The following SLC24A2 variants were observed in gnomAD, a reference collection of about 807,000 sequenced individuals.
SLC24A2 encodes sodium/potassium/calcium exchanger 2.
SLC24A2 carries 36 observed loss-of-function variants against 62.0 expected under a neutral mutation model. That is an observed-to-expected ratio of 0.58 (90% CI 0.44 to 0.77). The LOEUF (loss-of-function observed/expected upper bound fraction) is 0.77. Among genes scored for constraint, SLC24A2 ranks in the 30% least tolerant of loss-of-function variants. SLC24A2 has a pLI of 0.00. For synonymous variants in SLC24A2, 358 were observed against 294.0 expected (o/e 1.22, Z -2.23); for missense variants, 846 against 817.9 (o/e 1.03, Z -0.42).
chr9:20,274,836 G>A, the SLC24A2 span, among the ~76,000 whole-genome samples: 3 of 151,868 alleles, frequency 2.0e-5, no homozygotes, highest in African/African-American at 7.3e-5. Context: ...CTGCACTGTG[G>A]GATGAGCATG....
intron 2 of SLC24A2, among the ~76,000 whole-genome samples, chr9:19,664,149 T>C (rs1476691658): frequency 6.6e-6 from 1 of 152,218 alleles, no homozygotes; most frequent in Non-Finnish European, 1.5e-5. Flanking sequence ...AATCTGAGTT[T>C]GGATTTTGGT....
At chr9:19,629,522 T>C (rs1818123437) in intron 2 of SLC24A2, among the ~76,000 whole-genome samples, 1 of 152,242 alleles carries the variant, frequency 6.6e-6, no homozygotes, top group Admixed American at 6.5e-5. Context: ...CATGATTTAC[T>C]ATTATTATTT....
chr9:19,616,622 T>G (rs1033749562), intron 4 of SLC24A2, among the ~76,000 whole-genome samples: 4 of 152,238 alleles, frequency 2.6e-5, no homozygotes, highest in African/African-American at 9.6e-5. Flanking sequence ...TTGCCTAATC[T>G]TCCTGAGCCT....
chr9:20,162,684 G>A, the SLC24A2 span, among the ~76,000 whole-genome samples: 62 of 151,884 alleles, frequency 4.1e-4, no homozygotes, highest in South Asian at 1.5e-3. Flanking sequence ...CCAAAAAAGA[G>A]AATTTTAGAC....
chr9:19,832,172 A>T, the SLC24A2 span, among the ~76,000 whole-genome samples: 164 of 152,354 alleles, frequency 1.1e-3, no homozygotes, highest in Admixed American at 2.9e-3. Context: ...CAGAAAGAGA[A>T]GAAATCCCAG....
At chr9:19,899,409 C>A in the SLC24A2 span, among the ~76,000 whole-genome samples, 5 of 152,152 alleles carry the variant, frequency 3.3e-5, no homozygotes, top group Admixed American at 3.3e-4. Context: ...GCTGGTACTT[C>A]CTGAGTCTTG....
At chr9:19,558,500 G>A (rs1835218695) in intron 7 of SLC24A2, among the ~76,000 whole-genome samples, 1 of 152,214 alleles carries the variant, frequency 6.6e-6, no homozygotes, top group Non-Finnish European at 1.5e-5. Flanking sequence ...GCACTTCATT[G>A]CTGATGGCAC....
intron 2 of SLC24A2, among the ~76,000 whole-genome samples, chr9:19,631,270 G>A (rs1233866807): frequency 3.9e-5 from 6 of 152,218 alleles, no homozygotes; most frequent in Admixed American, 6.5e-5. Context: ...AAATAGCTTC[G>A]TCTTGGTCCA....
At chr9:20,188,059 C>G in the SLC24A2 span, among the ~76,000 whole-genome samples, 1 of 152,208 alleles carries the variant, frequency 6.6e-6, no homozygotes, top group African/African-American at 2.4e-5. Context: ...ATGCCTGTGT[C>G]CTGATCCCCA....
chr9:19,841,021 T>C, the SLC24A2 span, among the ~76,000 whole-genome samples: 2 of 152,210 alleles, frequency 1.3e-5, no homozygotes. Context: ...TTTATAGTTT[T>C]TTTTTATGAA....
chr9:19,895,811 T>A, the SLC24A2 span: 1 of 1,599,244 alleles, frequency 6.3e-7, no homozygotes. Flanking sequence ...CTGCTTGGGT[T>A]GCAGCTGGTG....
At chr9:19,527,188 TAAAC>T (rs1833482190) in intron 9 of SLC24A2, among the ~76,000 whole-genome samples, 3 of 152,326 alleles carry the variant, frequency 2.0e-5, no homozygotes, top group East Asian at 1.9e-4. Flanking sequence ...AGGATTATAT[TAAAC>T]AAAGGATACA....
the SLC24A2 span, among the ~76,000 whole-genome samples, chr9:19,902,063 T>C: frequency 6.6e-6 from 1 of 152,334 alleles, no homozygotes; most frequent in South Asian, 2.1e-4. Flanking sequence ...AACCCTTGCC[T>C]GGCACAGCCT....
chr9:19,650,170 GC>G lies in SLC24A2; in HGVS notation c.931-27872del, dbSNP rs754487238. Among the ~76,000 whole-genome samples, 9 of 152,298 alleles carry G rather than the reference GC, an allele frequency of 5.9e-5. No homozygotes were observed. The East Asian group carries it at 9.6e-4, about 16-fold the overall frequency. ...CCTGGTAAATGCTCAACAAATGTAA[GC>G]TTTTATTGGCAGATTCTTTGGCAAC... is the stretch of plus-strand genomic sequence containing the variant. On this transcript the variant is annotated intron_variant, in intron 2 of 10. Transcript: ENST00000341998.
At chr9:19,804,493 T>C in the SLC24A2 span, among the ~76,000 whole-genome samples, 1 of 152,192 alleles carries the variant, frequency 6.6e-6, no homozygotes, top group Non-Finnish European at 1.5e-5. Context: ...GACGTTTGTA[T>C]ATTATATCCT....
chr9:20,116,525 C>A, the SLC24A2 span, among the ~76,000 whole-genome samples: 1 of 152,148 alleles, frequency 6.6e-6, no homozygotes, highest in Middle Eastern at 3.2e-3. Flanking sequence ...CTCCAATGGG[C>A]TTTCATAGCA....
the SLC24A2 span, among the ~76,000 whole-genome samples, chr9:20,069,407 T>TA: frequency 6.6e-6 from 1 of 152,208 alleles, no homozygotes; most frequent in Non-Finnish European, 1.5e-5. Flanking sequence ...ATTGGCTATT[T>TA]AAAAAATATT....
intron 9 of SLC24A2, among the ~76,000 whole-genome samples, chr9:19,526,089 TAAATG>T (rs1833435991): frequency 6.6e-6 from 1 of 152,194 alleles, no homozygotes; most frequent in Admixed American, 6.5e-5. Context: ...ATACTTCATA[TAAATG>T]AAATCATATG....
At chr9:20,182,575 A>G in the SLC24A2 span, among the ~76,000 whole-genome samples, 4 of 152,236 alleles carry the variant, frequency 2.6e-5, no homozygotes, top group East Asian at 7.7e-4. Flanking sequence ...CATAAGTGGG[A>G]GTTGAACAAT....
Sources: allele counts gnomAD v4.1 joint callset (sites outside exome capture counted in the v4.1 genomes callset), GRCh38; gene constraint gnomAD v4.1.1; transcripts MANE v1.5; gene names NCBI Gene and HGNC (gene_info 2026-07-23, HGNC 2026-07-21).